The following RUNX1T1 variants were observed in gnomAD, a reference collection of about 807,000 sequenced individuals.
RUNX1T1 encodes protein CBFA2T1.
RUNX1T1 carries 4 observed loss-of-function variants against 62.8 expected under a neutral mutation model. The observed-to-expected ratio is 0.06, with a 90% CI of 0.03 to 0.15. The LOEUF (loss-of-function observed/expected upper bound fraction) is 0.15, where lower values mean the gene tolerates loss of function less well. Among genes scored for constraint, RUNX1T1 ranks in the 10% least tolerant of loss-of-function variants. The probability of loss-of-function intolerance (pLI) is 1.00; values close to 1 mark genes in which losing one functional copy is unlikely to be tolerated. For missense variants in RUNX1T1, 508 were observed against 754.3 expected (o/e 0.67, Z 3.82); for synonymous variants, 291 against 286.0 (o/e 1.02, Z -0.18).
chr8:92,037,159 A>C (rs1262456324), intron 1 of RUNX1T1, among the ~76,000 whole-genome samples: 1 of 152,186 alleles, frequency 6.6e-6, no homozygotes, highest in East Asian at 1.9e-4. Flanking sequence ...AAATTCTGAA[A>C]TAAACTTTCT....
intron 2 of RUNX1T1, 61 bp downstream of exon 2, chr8:92,075,904 T>C: frequency 2.8e-6 from 4 of 1,418,682 alleles, no homozygotes; most frequent in Non-Finnish European, 3.9e-6. Flanking sequence ...TTGGAAAAAA[T>C]AGATTGATTT....
At chr8:92,012,515 C>A (rs763392306) in intron 3 of RUNX1T1, among the ~76,000 whole-genome samples, 2 of 151,546 alleles carry the variant, frequency 1.3e-5, no homozygotes, top group African/African-American at 4.9e-5. Flanking sequence ...TGACAGAGAA[C>A]GGGTATGGGT....
intron 1 of RUNX1T1, chr8:92,095,608 A>G (rs887402482): frequency 7.2e-7 from 1 of 1,393,324 alleles, no homozygotes; most frequent in African/African-American, 1.5e-5. Flanking sequence ...GAGAGGGAGG[A>G]AAAGTGGGAG....
At chr8:91,958,600 GTTATT>G (rs1296062002), downstream of RUNX1T1, 3 of 162,524 alleles carry the variant, frequency 1.8e-5, no homozygotes, top group Middle Eastern at 5.2e-3. Context: ...AGGATATCTT[GTTATT>G]TTATTTTTTT....
intron 9 of RUNX1T1, among the ~76,000 whole-genome samples, chr8:91,973,921 G>A (rs1813374623): frequency 6.6e-6 from 1 of 152,012 alleles, no homozygotes; most frequent in African/African-American, 2.4e-5. Flanking sequence ...GGATACCACT[G>A]TGAGAAGAAT....
chr8:92,045,982 T>G (rs932265280), intron 1 of RUNX1T1, among the ~76,000 whole-genome samples: 3 of 152,050 alleles, frequency 2.0e-5, no homozygotes, highest in African/African-American at 7.2e-5. Context: ...GTCAGAAAAT[T>G]TAAGTGGGTC....
intron 8 of RUNX1T1, among the ~76,000 whole-genome samples, chr8:91,982,950 CAG>C (rs1230816694): frequency 5.0e-5 from 5 of 100,190 alleles, no homozygotes; most frequent in Admixed American, 1.6e-4. Flanking sequence ...TTTTTGGAGA[CAG>C]AGTCTTGCCC....
At chr8:92,074,148 A>C (rs1834079931) in intron 2 of RUNX1T1, among the ~76,000 whole-genome samples, 1 of 152,228 alleles carries the variant, frequency 6.6e-6, no homozygotes, top group African/African-American at 2.4e-5. Flanking sequence ...GACAGAGAAG[A>C]AAAAAAGAAG....
At chr8:92,046,614 T>C (rs1829452647) in intron 1 of RUNX1T1, among the ~76,000 whole-genome samples, 1 of 152,166 alleles carries the variant, frequency 6.6e-6, no homozygotes. Flanking sequence ...TCCGCCTGCC[T>C]CAGCCTCCCA....
rs1587413725 is a variant in RUNX1T1 at position 92,062,859 on chromosome 8, C to A, written c.-307G>T. 3 of 1,395,722 alleles carry A rather than the reference C, an allele frequency of 2.1e-6. No individual in the cohort carries two copies. In the East Asian group the frequency reaches 8.1e-5, roughly 38 times the overall value. The allele number at this position is 1,395,722 out of a possible 1,614,324, so 86.5% of individuals were successfully genotyped here. On this transcript the variant is annotated 5_prime_UTR_variant, in exon 1 of 11. Coordinates refer to ENST00000396218, the Ensembl canonical transcript of RUNX1T1. ...GGATGTGTGTGCAAAGTATCACAAC[C>A]CCTACCCTCCCCTTAGCACTCCACC...
rs1206378446 is a variant in RUNX1T1, at chr8:92,017,218, C to A, written c.145+8G>T. ...ACTGAAACTCAAAAGCCTGAAATGA[C>A]TACTTACACGTTGTCGGTGTAAATG... On this transcript the variant is annotated splice_region_variant and intron_variant, in intron 2 of 10. Transcript: ENST00000396218. The A allele has an allele frequency of 6.4e-7, 1 of 1,560,636 alleles. No homozygotes were observed. The highest frequency in any genetic ancestry group is 8.8e-7 in the Non-Finnish European group (1 of 1,141,538).
intron 1 of RUNX1T1, among the ~76,000 whole-genome samples, chr8:92,025,590 C>T (rs551311226): frequency 8.5e-5 from 13 of 152,176 alleles, no homozygotes; most frequent in Admixed American, 2.6e-4. Flanking sequence ...CCCAGCTGGC[C>T]GGGTTTGTCC....
upstream of RUNX1T1, chr8:92,103,043 G>A (rs1317273631): frequency 3.1e-6 from 2 of 646,516 alleles, no homozygotes; most frequent in Non-Finnish European, 2.3e-6. Flanking sequence ...TCGCGCCGCG[G>A]AGCGACTACG....
At chr8:92,063,017 T>G (rs918388902), upstream of RUNX1T1, 3 of 1,070,450 alleles carry the variant, frequency 2.8e-6, no homozygotes, top group Non-Finnish European at 3.4e-6. Flanking sequence ...AAGATAGAAA[T>G]GTAGACCTGG....
chr8:92,058,067 T>C (rs1370230206), intron 1 of RUNX1T1, among the ~76,000 whole-genome samples: 2 of 152,122 alleles, frequency 1.3e-5, no homozygotes, highest in East Asian at 3.9e-4. Context: ...CCTATGTCCC[T>C]GACTCCTAAT....
upstream of RUNX1T1, chr8:92,103,259 G>A (rs2130960934): frequency 8.2e-6 from 2 of 243,326 alleles, no homozygotes; most frequent in Non-Finnish European, 1.6e-5. Flanking sequence ...TGTCACAGGC[G>A]GCGTCTGCGT....
At chr8:92,062,561 C>T (rs1832225103) in exon 1 of RUNX1T1, 6 of 1,614,036 alleles carry the variant, frequency 3.7e-6, no homozygotes, top group Non-Finnish European at 5.1e-6. Flanking sequence ...ATCCTTGAAT[C>T]CAGCGTACCA....
chr8:91,970,043 T>TGTGTGTTGTGTGTGTGTGTG (rs11374252), intron 10 of RUNX1T1, among the ~76,000 whole-genome samples: 1 of 142,716 alleles, frequency 7.0e-6, no homozygotes, highest in Middle Eastern at 3.3e-3. Context: ...TGTGTGTGTG[T>TGTGTGTTGTGTGTGTGTGTG]TGTGTGTGTG....
At chr8:91,955,651 C>T (rs1447623451), downstream of RUNX1T1, 1 of 225,774 alleles carries the variant, frequency 4.4e-6, no homozygotes, top group Non-Finnish European at 8.8e-6. Flanking sequence ...CATTCACCTT[C>T]ATAACCTTTC....
Sources: gnomAD v4.1 joint callset for allele counts (sites outside exome capture counted in the v4.1 genomes callset) on GRCh38, gnomAD v4.1.1 for gene constraint, MANE v1.5 for transcripts, NCBI Gene and HGNC (gene_info 2026-07-23, HGNC 2026-07-21) for gene names.